The following NACC2 variants were observed in gnomAD, a reference collection of about 807,000 sequenced individuals.
The protein encoded by NACC2 is nucleus accumbens-associated protein 2.
In NACC2, 8 loss-of-function variants were observed where a neutral mutation model predicts 25.1. The ratio of observed to expected loss-of-function variants is 0.32; its 90% CI spans 0.19 to 0.57. The LOEUF (loss-of-function observed/expected upper bound fraction) is 0.57. Ranked by LOEUF, NACC2 falls within the 20% of genes least tolerant of loss-of-function variation. The pLI, the probability that NACC2 is intolerant of heterozygous loss-of-function variation, is 0.89. For missense variants in NACC2, 644 were observed against 650.2 expected, an observed-to-expected ratio of 0.99 and a Z score of 0.10; for synonymous variants, 435 against 294.7, an observed-to-expected ratio of 1.48 and a Z score of -4.88.
chr9:136,076,765 T>C (rs1830266967), intron 1 of NACC2, among the ~76,000 whole-genome samples: 1 of 152,124 alleles, frequency 6.6e-6, no homozygotes, highest in Admixed American at 6.6e-5. Flanking sequence ...TCTCAGCACT[T>C]TGGGAGGCTG....
At chr9:136,078,316 G>A (rs1296067085) in intron 1 of NACC2, among the ~76,000 whole-genome samples, 1 of 152,136 alleles carries the variant, frequency 6.6e-6, no homozygotes, top group Non-Finnish European at 1.5e-5. Flanking sequence ...TCAGTCCCTC[G>A]GAATGCAGAA....
At chr9:136,034,842 C>A (rs1462079008) in intron 2 of NACC2, among the ~76,000 whole-genome samples, 1 of 152,216 alleles carries the variant, frequency 6.6e-6, no homozygotes, top group Non-Finnish European at 1.5e-5. Flanking sequence ...GCCTGTAACC[C>A]CAGCATTTTG....
At chr9:136,076,731 C>T (rs74362000) in intron 1 of NACC2, among the ~76,000 whole-genome samples, 6,697 of 152,202 alleles carry the variant, frequency 0.044, 176 homozygotes, top group Non-Finnish European at 0.058. Flanking sequence ...AATGTATTGG[C>T]CTGGTGGTGG....
At chr9:136,016,821 G>A (rs1200540140) in intron 2 of NACC2, among the ~76,000 whole-genome samples, 5 of 152,288 alleles carry the variant, frequency 3.3e-5, no homozygotes, top group East Asian at 1.9e-4. Context: ...GGGAGAGTAC[G>A]GCGCAAGACA....
At chr9:136,063,519 C>T (rs1205265719) in intron 1 of NACC2, among the ~76,000 whole-genome samples, 1 of 152,194 alleles carries the variant, frequency 6.6e-6, no homozygotes, top group Non-Finnish European at 1.5e-5. Context: ...AGGACCAGGA[C>T]GAGCCTTTCC....
chr9:136,039,755 C>T (rs1203214962), intron 2 of NACC2, among the ~76,000 whole-genome samples: 1 of 152,130 alleles, frequency 6.6e-6, no homozygotes, highest in Admixed American at 6.5e-5. Flanking sequence ...GAAACTTCTA[C>T]AAACTGGTCA....
intron 1 of NACC2, among the ~76,000 whole-genome samples, chr9:136,075,609 C>T (rs1024302819): frequency 6.6e-6 from 1 of 152,232 alleles, no homozygotes; most frequent in South Asian, 2.1e-4. Context: ...GGTTCGGGGT[C>T]GCAGGTCCTG....
intron 2 of NACC2, among the ~76,000 whole-genome samples, chr9:136,026,486 A>C (rs1840391994): frequency 6.6e-6 from 1 of 152,136 alleles, no homozygotes; most frequent in South Asian, 2.1e-4. Context: ...GAGGAGGCTG[A>C]GGCTCTGAGG....
At chr9:136,032,185 G>A (rs1027980995) in intron 2 of NACC2, among the ~76,000 whole-genome samples, 10 of 152,184 alleles carry the variant, frequency 6.6e-5, no homozygotes, top group Non-Finnish European at 7.3e-5. Flanking sequence ...GAATATCAGC[G>A]AGCTGCATCC....
rs528343225 is a variant in NACC2 at position 136,076,824 on chromosome 9, C to T, written c.-60+18365G>A. Among the ~76,000 whole-genome samples the T allele has an allele frequency of 3.4e-4, 51 of 152,088 alleles. 1 individual carries two copies. Among genetic ancestry groups the T allele is most frequent in the African/African-American group, 1.2e-3 (48 of 41,496 alleles). On this transcript the variant is annotated intron_variant, in intron 1 of 5. Coordinates refer to ENST00000277554, the MANE Select transcript of NACC2 (RefSeq NM_144653.5). ...GAGATCGAGACCATCCTGGCTAACA[C>T]GGTGAAACCCCTTCTCTACTAAAAA... is the stretch of plus-strand genomic sequence containing the variant.
chr9:136,013,159 G>GCCCCCGCCCCCCC lies in NACC2; in HGVS notation c.1255+39_1255+40insGGGGGGGCGGGGG. ...CTCCTCAGGCTGGGATCTGAACCCAGCCCCGGCCCCACCCACCCGAGAGAC... is the reference window on the plus strand; with the variant it reads ...CTCCTCAGGCTGGGATCTGAACCCAGCCCCCGCCCCCCCCCCCGGCCCCACCCACCCGAGAGAC... On this transcript the variant is annotated intron_variant, in intron 5 of 5. Transcript: ENST00000277554. This position sits in a 1 kb window ranked among gnomAD's most constrained non-coding sequence, Gnocchi z 6.6. 1.3e-6 allele frequency: 1 copy of GCCCCCGCCCCCCC among 754,890 alleles called. No homozygotes were observed. Among genetic ancestry groups the GCCCCCGCCCCCCC allele is most frequent in the Non-Finnish European group, 2.3e-6 (1 of 425,914 alleles). 46.8% of individuals were successfully genotyped at this position (754,890 alleles called of 1,614,324 possible). A position where few individuals can be genotyped will look rare whatever the true frequency, so the allele number is the denominator to read the frequency against.
chr9:136,095,161 G>A (rs1830477445), intron 1 of NACC2, 28 bp downstream of exon 1: 1 of 146,904 alleles, frequency 6.8e-6, no homozygotes, highest in South Asian at 2.1e-4. Flanking sequence ...TAACCCGGGG[G>A]CGGCCGCGCG....
rs1472649405 is a variant in NACC2, at chr9:136,086,658, C to T, written c.-60+8531G>A. Among the ~76,000 whole-genome samples, 3 of 152,186 alleles carry T rather than the reference C, an allele frequency of 2.0e-5. No individual in the cohort carries two copies. Among genetic ancestry groups the T allele is most frequent in the Non-Finnish European group, 4.4e-5 (3 of 68,026 alleles). ...ACAATAATTAACACGAATCCTGTTC[C>T]CAAACTTACATAACCGCAGATGACA... On this transcript the variant is annotated intron_variant, in intron 1 of 5. Coordinates refer to ENST00000277554, the MANE Select transcript of NACC2 (RefSeq NM_144653.5). The surrounding 1 kb of genome is among the most constrained non-coding windows in gnomAD (Gnocchi z 5.6).
At chr9:136,092,484 G>A (rs894091347) in intron 1 of NACC2, among the ~76,000 whole-genome samples, 7 of 152,314 alleles carry the variant, frequency 4.6e-5, no homozygotes, top group South Asian at 2.1e-4. Flanking sequence ...CTTGGAGGGC[G>A]CTCCACGGCC....
At chr9:136,058,054 ACT>A (rs943182524) in intron 1 of NACC2, among the ~76,000 whole-genome samples, 1 of 150,788 alleles carries the variant, frequency 6.6e-6, no homozygotes, top group Admixed American at 6.6e-5. Context: ...TATGCTTAAA[ACT>A]CTCATGTAAA....
intron 1 of NACC2, among the ~76,000 whole-genome samples, chr9:136,072,785 G>C (rs138748334): frequency 2.4e-3 from 364 of 152,240 alleles, no homozygotes; most frequent in Middle Eastern, 6.8e-3. Flanking sequence ...AGGAGGCGGA[G>C]GCTGTGGTGA....
At position 136,080,324 on chromosome 9, in the gene NACC2, C is replaced by A. The variant is rs1830307650; in HGVS notation, c.-60+14865G>T. Among the ~76,000 whole-genome samples, 3 of 152,220 alleles carry A rather than the reference C, an allele frequency of 2.0e-5. No homozygotes were observed. The South Asian group carries it at 6.2e-4, about 31-fold the overall frequency. On this transcript the variant is annotated intron_variant, in intron 1 of 5. Transcript: ENST00000277554. ...TTCGCTGCCCCTACATGGGATGCCA[C>A]CTCTCAGGGCATCCAAAACCCAACC...
At chr9:136,040,124 T>C (rs953923604) in intron 2 of NACC2, among the ~76,000 whole-genome samples, 18 of 152,066 alleles carry the variant, frequency 1.2e-4, no homozygotes, top group African/African-American at 4.3e-4. Context: ...GGCGGGTGGA[T>C]TACAAGGTCA....
intron 1 of NACC2, among the ~76,000 whole-genome samples, chr9:136,085,036 A>G (rs1480458837): frequency 1.3e-5 from 2 of 152,092 alleles, no homozygotes; most frequent in Admixed American, 1.3e-4. Context: ...GCTTCATTCC[A>G]CTGAAAAAGC....
Sources: allele counts gnomAD v4.1 joint callset (sites outside exome capture counted in the v4.1 genomes callset), GRCh38; gene constraint gnomAD v4.1.1; non-coding constraint Gnocchi (gnomAD v3.1); transcripts MANE v1.5; gene names NCBI Gene and HGNC (gene_info 2026-07-23, HGNC 2026-07-21).